PRKD1: variants seen among roughly 807,000 people sequenced by gnomAD.
PRKD1 encodes protein kinase D1.
PRKD1 carries 63 observed loss-of-function variants against 95.9 expected under a neutral mutation model. The observed-to-expected ratio is 0.66, with a 90% CI of 0.54 to 0.81. The LOEUF (loss-of-function observed/expected upper bound fraction) is 0.81. Ranked by LOEUF, PRKD1 falls within the 30% of genes least tolerant of loss-of-function variation. The pLI, the probability that PRKD1 is intolerant of heterozygous loss-of-function variation, is 0.00. For missense variants in PRKD1, 1,048 were observed against 1,165.3 expected, an observed-to-expected ratio of 0.90 and a Z score of 1.47; for synonymous variants, 425 against 423.1, an observed-to-expected ratio of 1.00 and a Z score of -0.05.
chr14:29,581,678 TTC>T (rs1249679644), intron 16 of PRKD1, among the ~76,000 whole-genome samples: 1 of 152,208 alleles, frequency 6.6e-6, no homozygotes, highest in Non-Finnish European at 1.5e-5. Context: ...GATAATTACA[TTC>T]TTAGTTATGT....
At position 29,576,522 on chromosome 14, in the gene PRKD1, G is replaced by A. The variant is rs764488158; in HGVS notation, c.*716C>T. 2.0e-5 allele frequency: 3 copies of A among 152,660 alleles called. No homozygotes were observed. The highest frequency in any genetic ancestry group is 4.4e-5 in the Non-Finnish European group (3 of 68,086). The allele number at this position is 152,660 out of a possible 1,614,324, so 9.5% of individuals were successfully genotyped here. ...TTATTATTGAAAAATACACAAAGGT[G>A]AAAGGTTGCTGAGCAGCTGATTTTC... On this transcript the variant is annotated 3_prime_UTR_variant, in exon 18 of 18. Transcript: ENST00000331968.
chr14:29,726,393 T>C (rs1046788907), intron 1 of PRKD1, among the ~76,000 whole-genome samples: 1 of 152,184 alleles, frequency 6.6e-6, no homozygotes, highest in Non-Finnish European at 1.5e-5. Context: ...CCTTTTCTTG[T>C]AATGACTTTT....
chr14:29,719,014 C>A (rs1885756925), intron 2 of PRKD1, among the ~76,000 whole-genome samples: 1 of 151,676 alleles, frequency 6.6e-6, no homozygotes, highest in East Asian at 1.9e-4. Context: ...AATATTATAT[C>A]TAAGAGAAAT....
At chr14:29,887,448 A>G (rs1893752483) in intron 1 of PRKD1, among the ~76,000 whole-genome samples, 2 of 152,218 alleles carry the variant, frequency 1.3e-5, no homozygotes, top group South Asian at 4.1e-4. Flanking sequence ...GCATTAAACA[A>G]TTACCTGTAA....
chr14:29,585,486 C>A (rs1328864894), intron 16 of PRKD1, among the ~76,000 whole-genome samples: 1 of 152,166 alleles, frequency 6.6e-6, no homozygotes, highest in African/African-American at 2.4e-5. Flanking sequence ...TCTTGGAAAT[C>A]ATAAATTGTT....
At chr14:29,580,673 T>C (rs867667106) in intron 16 of PRKD1, among the ~76,000 whole-genome samples, 9 of 152,116 alleles carry the variant, frequency 5.9e-5, no homozygotes, top group South Asian at 4.1e-4. Context: ...TTGTATACAA[T>C]CCAGCATTAA....
At chr14:29,908,084 A>G (rs1256283645) in intron 1 of PRKD1, among the ~76,000 whole-genome samples, 1 of 151,176 alleles carries the variant, frequency 6.6e-6, no homozygotes, top group Non-Finnish European at 1.5e-5. Flanking sequence ...TGAATCTAAC[A>G]GTTTATTCCG....
intron 2 of PRKD1, among the ~76,000 whole-genome samples, chr14:29,681,690 A>G (rs947671413): frequency 1.9e-4 from 29 of 152,320 alleles, no homozygotes; most frequent in Non-Finnish European, 3.1e-4. Flanking sequence ...TTAGAAGGGC[A>G]CTTAGATATG....
chr14:29,621,432 CTTCCTTTCCT>C (rs377522516), intron 13 of PRKD1, among the ~76,000 whole-genome samples: 5 of 151,560 alleles, frequency 3.3e-5, no homozygotes, highest in East Asian at 1.9e-4. Context: ...CCCTCTCTTT[CTTCCTTTCCT>C]TTCCTTTCCT....
intron 1 of PRKD1, among the ~76,000 whole-genome samples, chr14:29,797,055 A>C (rs1889847935): frequency 6.6e-6 from 1 of 152,204 alleles, no homozygotes; most frequent in Admixed American, 6.5e-5. Context: ...ATGATGACTA[A>C]GGCTAAATGG....
intron 2 of PRKD1, among the ~76,000 whole-genome samples, chr14:29,720,570 AG>A (rs1885839151): frequency 6.6e-6 from 1 of 152,016 alleles, no homozygotes; most frequent in Admixed American, 6.6e-5. Flanking sequence ...TCACAAGATC[AG>A]GAGCTCAAGA....
At chr14:29,705,952 A>G (rs181373960) in intron 2 of PRKD1, among the ~76,000 whole-genome samples, 6 of 152,252 alleles carry the variant, frequency 3.9e-5, no homozygotes, top group African/African-American at 1.4e-4. Flanking sequence ...TTGTATGAAC[A>G]TATGTTTTCA....
At chr14:29,630,075 C>G (rs1458313222) in intron 10 of PRKD1, among the ~76,000 whole-genome samples, 1 of 147,422 alleles carries the variant, frequency 6.8e-6, no homozygotes, top group Non-Finnish European at 1.5e-5. Context: ...CTTCCTCTTC[C>G]TCTTCATGTC....
At chr14:29,840,356 C>T (rs1891786625) in intron 1 of PRKD1, among the ~76,000 whole-genome samples, 1 of 152,178 alleles carries the variant, frequency 6.6e-6, no homozygotes, top group African/African-American at 2.4e-5. Flanking sequence ...GAGACTACCT[C>T]AGCCTGGATT....
chr14:29,616,047 ACTCT>A (rs932040100), intron 13 of PRKD1, among the ~76,000 whole-genome samples: 1 of 152,024 alleles, frequency 6.6e-6, no homozygotes, highest in African/African-American at 2.4e-5. Context: ...ATGACAGGTG[ACTCT>A]CTCAAAATGG....
At chr14:29,914,476 C>T (rs958779759) in intron 1 of PRKD1, among the ~76,000 whole-genome samples, 2 of 152,146 alleles carry the variant, frequency 1.3e-5, no homozygotes, top group Non-Finnish European at 1.5e-5. Flanking sequence ...GAAAGCAGGC[C>T]GGGCACAGTG....
chr14:29,911,835 G>T (rs1036626751), intron 1 of PRKD1, among the ~76,000 whole-genome samples: 1 of 152,206 alleles, frequency 6.6e-6, no homozygotes, highest in African/African-American at 2.4e-5. Flanking sequence ...CTGGAAGGAA[G>T]AAATCTTTTC....
chr14:29,728,591 T>C (rs114308074), intron 1 of PRKD1, among the ~76,000 whole-genome samples: 3,754 of 152,306 alleles, frequency 0.025, 156 homozygotes, highest in African/African-American at 0.086. Flanking sequence ...GATTCATTCA[T>C]ACATACATTT....
intron 1 of PRKD1, among the ~76,000 whole-genome samples, chr14:29,833,145 A>G (rs574428427): frequency 6.6e-6 from 1 of 152,138 alleles, no homozygotes; most frequent in Non-Finnish European, 1.5e-5. Flanking sequence ...TCAAAAGGTT[A>G]GGGTAAAAAA....
Sources: gnomAD v4.1 joint callset for allele counts (sites outside exome capture counted in the v4.1 genomes callset) on GRCh38, gnomAD v4.1.1 for gene constraint, MANE v1.5 for transcripts, NCBI Gene and HGNC (gene_info 2026-07-23, HGNC 2026-07-21) for gene names.